The following ACAT2 variants were observed in gnomAD, a reference collection of about 807,000 sequenced individuals.
ACAT2 encodes the protein acetyl-CoA acetyltransferase 2.
A neutral mutation model predicts 37.1 loss-of-function variants in ACAT2; 26 were observed. The ratio of observed to expected loss-of-function variants is 0.70; its 90% CI spans 0.51 to 0.97. ACAT2 has a LOEUF of 0.97. ACAT2 is among the 50% of genes least tolerant of loss of function. The probability of loss-of-function intolerance (pLI) is 0.00; values close to 1 mark genes in which losing one functional copy is unlikely to be tolerated. For synonymous variants in ACAT2, 156 were observed against 163.6 expected (o/e 0.95, Z 0.35); for missense variants, 468 against 489.0 (o/e 0.96, Z 0.40).
At chr6:159,764,435 AATT>A (rs201361862) in intron 2 of ACAT2, among the ~76,000 whole-genome samples, 1 of 149,708 alleles carries the variant, frequency 6.7e-6, no homozygotes, top group Non-Finnish European at 1.5e-5. Context: ...TTAATTAATT[AATT>A]ATTATTATTA....
At chr6:159,777,025 G>A (rs1479766486) in intron 6 of ACAT2, among the ~76,000 whole-genome samples, 1 of 152,192 alleles carries the variant, frequency 6.6e-6, no homozygotes, top group African/African-American at 2.4e-5. Flanking sequence ...GACCTCAGGT[G>A]ATTCACCCTC....
chr6:159,769,509 A>G (rs1381179954), intron 4 of ACAT2, among the ~76,000 whole-genome samples: 1 of 152,254 alleles, frequency 6.6e-6, no homozygotes, highest in African/African-American at 2.4e-5. Flanking sequence ...CTTCTTTAGA[A>G]AAAAAGAAAA....
chr6:159,762,616 C>T (rs1327188550), intron 1 of ACAT2: 7 of 1,408,544 alleles, frequency 5.0e-6, no homozygotes, highest in Non-Finnish European at 5.6e-6. Context: ...CTTGACCCGC[C>T]GGTTCCTTTT....
chr6:159,774,064 A>G (rs1465576235), intron 4 of ACAT2, among the ~76,000 whole-genome samples: 2 of 152,242 alleles, frequency 1.3e-5, no homozygotes, highest in African/African-American at 4.8e-5. Context: ...ATTTTAACCA[A>G]GTGATCAAAG....
intron 2 of ACAT2, among the ~76,000 whole-genome samples, chr6:159,763,808 C>T (rs1171949277): frequency 6.0e-5 from 9 of 150,044 alleles, no homozygotes; most frequent in South Asian, 2.1e-4. Context: ...TTCATTCTTA[C>T]GAAGCAGGGC....
intron 2 of ACAT2, 73 bp downstream of exon 2, chr6:159,763,126 TCTCACACA>T (rs1246722045): frequency 1.2e-5 from 16 of 1,375,106 alleles, no homozygotes; most frequent in African/African-American, 4.4e-5. Flanking sequence ...ACACACACAC[TCTCACACA>T]CTCACACACT....
intron 1 of ACAT2, chr6:159,762,455 T>G: frequency 7.5e-7 from 1 of 1,335,144 alleles, no homozygotes; most frequent in East Asian, 3.3e-5. Flanking sequence ...GGCCCCTGAT[T>G]GGCCGGCTCC....
chr6:159,778,936 A>G lies in ACAT2; in HGVS notation c.*107A>G. The G allele has an allele frequency of 1.9e-6, 3 of 1,565,314 alleles. No individual in the cohort carries two copies. Among genetic ancestry groups the G allele is most frequent in the Non-Finnish European group, 2.6e-6 (3 of 1,151,192 alleles). On this transcript the variant is annotated 3_prime_UTR_variant, in exon 9 of 9. Transcript: ENST00000367048. ...AGTACAGATGGAAACCATTTCCTAC[A>G]TCACAAAAACCCAAGTTTACAGCTT... is the stretch of plus-strand genomic sequence containing the variant.
At chr6:159,777,487 T>C in intron 7 of ACAT2, 31 bp downstream of exon 7, 1 of 1,592,658 alleles carries the variant, frequency 6.3e-7, no homozygotes, top group South Asian at 1.1e-5. Context: ...TTTTATGAAA[T>C]TTGTCTTCCT....
At chr6:159,770,529 G>A (rs529871616) in intron 4 of ACAT2, among the ~76,000 whole-genome samples, 1 of 152,194 alleles carries the variant, frequency 6.6e-6, no homozygotes, top group South Asian at 2.1e-4. Flanking sequence ...CACTGGGATG[G>A]GGCCGGGCAT....
intron 8 of ACAT2, 143 bp downstream of exon 8, chr6:159,778,423 TTAAAAAAAA>T (rs1262718220): frequency 1.2e-4 from 10 of 84,150 alleles, no homozygotes; most frequent in Admixed American, 1.8e-4. Context: ...TTCCCAAGGT[TTAAAAAAAA>T]AAAAAAAAAA....
At chr6:159,766,660 C>G (rs1780260387) in intron 2 of ACAT2, among the ~76,000 whole-genome samples, 2 of 152,182 alleles carry the variant, frequency 1.3e-5, no homozygotes. Flanking sequence ...CTTGGCCTCC[C>G]AAAGTGCTGG....
chr6:159,772,423 G>C (rs919638023), intron 4 of ACAT2, among the ~76,000 whole-genome samples: 2 of 152,134 alleles, frequency 1.3e-5, no homozygotes, highest in African/African-American at 4.8e-5. Context: ...AATAGACCCA[G>C]ACTTATGCTT....
chr6:159,768,701 G>A (rs1780292845), intron 4 of ACAT2, 73 bp downstream of exon 4: 1 of 1,049,484 alleles, frequency 9.5e-7, no homozygotes. Flanking sequence ...CTGCTTCTTA[G>A]GTGCTTTCGT....
chr6:159,775,041 A>T, intron 4 of ACAT2, 129 bp from the exon 5 acceptor site: 1 of 1,074,422 alleles, frequency 9.3e-7, no homozygotes. Flanking sequence ...CACACAGAGC[A>T]TTGCACAGGC....
At chr6:159,777,521 A>G (rs1780444443) in intron 7 of ACAT2, 65 bp downstream of exon 7, 6 of 1,494,848 alleles carry the variant, frequency 4.0e-6, no homozygotes, top group Admixed American at 2.2e-5. Flanking sequence ...GAGCTTATTC[A>G]TGTAGTTAGC....
intron 6 of ACAT2, among the ~76,000 whole-genome samples, chr6:159,776,746 C>G (rs1270134750): frequency 6.6e-6 from 1 of 152,116 alleles, no homozygotes. Context: ...CAGGCTTATT[C>G]TTCCATTTCC....
chr6:159,778,946 C>A lies in ACAT2; in HGVS notation c.*117C>A, dbSNP rs1210658899. ...GAAACCATTTCCTACATCACAAAAACCCAAGTTTACAGCTTGTACTTTACT... is the reference window on the plus strand; with the variant it reads ...GAAACCATTTCCTACATCACAAAAAACCAAGTTTACAGCTTGTACTTTACT... On this transcript the variant is annotated 3_prime_UTR_variant, in exon 9 of 9. Transcript: ENST00000367048. 1 of 1,559,266 alleles carries A rather than the reference C, an allele frequency of 6.4e-7. No individual in the cohort carries two copies. Among genetic ancestry groups the A allele is most frequent in the Non-Finnish European group, 8.7e-7 (1 of 1,146,908 alleles).
At chr6:159,778,447 A>T in intron 8 of ACAT2, 167 bp downstream of exon 8, 1 of 671,716 alleles carries the variant, frequency 1.5e-6, no homozygotes, top group Non-Finnish European at 2.3e-6. Flanking sequence ...AAAAAAAAAA[A>T]AAGACATTGG....
Sources: gnomAD v4.1 joint callset for allele counts (sites outside exome capture counted in the v4.1 genomes callset) on GRCh38, gnomAD v4.1.1 for gene constraint, MANE v1.5 for transcripts, NCBI Gene and HGNC (gene_info 2026-07-23, HGNC 2026-07-21) for gene names.